PPARGC1A: variants seen among roughly 807,000 people sequenced by gnomAD.
The protein encoded by PPARGC1A is peroxisome proliferator-activated receptor gamma coactivator 1-alpha.
PPARGC1A carries 25 observed loss-of-function variants against 88.7 expected under a neutral mutation model. The ratio of observed to expected loss-of-function variants is 0.28; its 90% confidence interval spans 0.21 to 0.39. PPARGC1A has a LOEUF of 0.39. PPARGC1A is among the 10% of genes least tolerant of loss of function. The pLI, the probability that PPARGC1A is intolerant of heterozygous loss-of-function variation, is 1.00. For synonymous variants in PPARGC1A, 363 were observed against 355.6 expected, an observed-to-expected ratio of 1.02 and a Z score of -0.24; for missense variants, 880 against 968.7, an observed-to-expected ratio of 0.91 and a Z score of 1.22.
the PPARGC1A span, among the ~76,000 whole-genome samples, chr4:23,924,346 G>A: frequency 1.3e-5 from 2 of 152,202 alleles, no homozygotes; most frequent in South Asian, 4.1e-4. Context: ...CAAGTGTCTA[G>A]GCCAGGCGTG....
At chr4:24,413,018 C>A in the PPARGC1A span, among the ~76,000 whole-genome samples, 3 of 152,196 alleles carry the variant, frequency 2.0e-5, no homozygotes, top group Non-Finnish European at 4.4e-5. Context: ...TGGTTTTCAA[C>A]CAACAAATGA....
chr4:24,432,921 G>A, the PPARGC1A span, among the ~76,000 whole-genome samples: 3 of 152,268 alleles, frequency 2.0e-5, no homozygotes, highest in African/African-American at 7.2e-5. Context: ...CCAGGCACCT[G>A]GCAATCTCTC....
At chr4:24,411,616 T>C in the PPARGC1A span, among the ~76,000 whole-genome samples, 2 of 152,210 alleles carry the variant, frequency 1.3e-5, no homozygotes, top group Non-Finnish European at 2.9e-5. Flanking sequence ...CAACCACCAC[T>C]GTAGTATCAT....
the PPARGC1A span, among the ~76,000 whole-genome samples, chr4:23,990,083 AAT>A: frequency 1.9e-5 from 2 of 105,818 alleles, no homozygotes; most frequent in East Asian, 7.4e-4. Context: ...TATTATATAT[AAT>A]ATATATTACA....
At chr4:24,382,516 G>C in the PPARGC1A span, among the ~76,000 whole-genome samples, 1 of 152,156 alleles carries the variant, frequency 6.6e-6, no homozygotes, top group Non-Finnish European at 1.5e-5. Flanking sequence ...AAGAAAAAAA[G>C]AATTCTGAAA....
At chr4:24,059,558 T>C in the PPARGC1A span, among the ~76,000 whole-genome samples, 1 of 152,224 alleles carries the variant, frequency 6.6e-6, no homozygotes, top group Non-Finnish European at 1.5e-5. Flanking sequence ...GAACAGCCAC[T>C]GTCTTCAGCT....
chr4:23,953,688 A>C, the PPARGC1A span, among the ~76,000 whole-genome samples: 1 of 152,042 alleles, frequency 6.6e-6, no homozygotes, highest in Non-Finnish European at 1.5e-5. Context: ...CAATTTTCAG[A>C]ACCATGTCAT....
At chr4:24,441,537 G>C in the PPARGC1A span, among the ~76,000 whole-genome samples, 1 of 152,266 alleles carries the variant, frequency 6.6e-6, no homozygotes, top group South Asian at 2.1e-4. Flanking sequence ...CATTCCTGAG[G>C]CATGTTACAG....
chr4:23,816,255 T>C (rs1721967164), intron 7 of PPARGC1A, among the ~76,000 whole-genome samples: 1 of 152,156 alleles, frequency 6.6e-6, no homozygotes, highest in Admixed American at 6.5e-5. Context: ...GGCTTCCCTT[T>C]GTTAACAGCT....
At chr4:24,227,508 G>A in the PPARGC1A span, among the ~76,000 whole-genome samples, 1 of 152,168 alleles carries the variant, frequency 6.6e-6, no homozygotes, top group Non-Finnish European at 1.5e-5. Context: ...TCAACAGAGA[G>A]CAGGTGGTCA....
At chr4:24,335,411 C>A in the PPARGC1A span, among the ~76,000 whole-genome samples, 1 of 152,140 alleles carries the variant, frequency 6.6e-6, no homozygotes, top group Non-Finnish European at 1.5e-5. Flanking sequence ...AATTTTCTTT[C>A]CACTACACTA....
the PPARGC1A span, among the ~76,000 whole-genome samples, chr4:23,972,282 T>G: frequency 6.6e-6 from 1 of 152,330 alleles, no homozygotes; most frequent in Non-Finnish European, 1.5e-5. Context: ...AAACCTAGGC[T>G]AGGAAGATGA....
At chr4:23,945,220 GATTT>G in the PPARGC1A span, among the ~76,000 whole-genome samples, 2 of 151,974 alleles carry the variant, frequency 1.3e-5, no homozygotes, top group Non-Finnish European at 2.9e-5. Context: ...GCCATTTTAA[GATTT>G]ATCTTTTCAA....
the PPARGC1A span, among the ~76,000 whole-genome samples, chr4:24,416,097 G>A: frequency 6.6e-6 from 1 of 152,200 alleles, no homozygotes; most frequent in Non-Finnish European, 1.5e-5. Context: ...TTAAAATGCA[G>A]ATGGATACAG....
chr4:24,337,972 C>T, the PPARGC1A span, among the ~76,000 whole-genome samples: 1 of 152,156 alleles, frequency 6.6e-6, no homozygotes, highest in African/African-American at 2.4e-5. Flanking sequence ...GGTGGCTTTC[C>T]TACCTTCTGC....
At chr4:23,888,825 C>T (rs1372612595) in intron 1 of PPARGC1A, 1 of 497,748 alleles carries the variant, frequency 2.0e-6, no homozygotes, top group African/African-American at 2.1e-5. Flanking sequence ...TGGGCTTGAT[C>T]CTCCCCCTTA....
chr4:23,976,326 C>A, the PPARGC1A span, among the ~76,000 whole-genome samples: 3 of 152,150 alleles, frequency 2.0e-5, no homozygotes, highest in Admixed American at 2.0e-4. Context: ...TGGGGAAAGA[C>A]ATGCACTGAG....
chr4:24,171,524 T>A, the PPARGC1A span, among the ~76,000 whole-genome samples: 2 of 152,184 alleles, frequency 1.3e-5, no homozygotes, highest in Non-Finnish European at 2.9e-5. Flanking sequence ...CTGATTTTTT[T>A]AATTGTCTTA....
the PPARGC1A span, among the ~76,000 whole-genome samples, chr4:24,170,819 C>G: frequency 6.6e-6 from 1 of 152,210 alleles, no homozygotes; most frequent in African/African-American, 2.4e-5. Flanking sequence ...TTCCTTCAGC[C>G]TCTCCTTGAG....
Sources: allele counts gnomAD v4.1 joint callset (sites outside exome capture counted in the v4.1 genomes callset), GRCh38; gene constraint gnomAD v4.1.1; transcripts MANE v1.5; gene names NCBI Gene and HGNC (gene_info 2026-07-23, HGNC 2026-07-21).